The following CCSER1 variants were observed in gnomAD, a reference collection of about 807,000 sequenced individuals.
CCSER1 encodes the protein coiled-coil serine rich protein 1.
Under a neutral mutation model 82.0 loss-of-function variants are expected in CCSER1, and 41 were observed. The ratio of observed to expected loss-of-function variants is 0.50; its 90% CI spans 0.39 to 0.65. CCSER1 has a LOEUF of 0.65. Ranked by LOEUF, CCSER1 falls within the 30% of genes least tolerant of loss-of-function variation. CCSER1 has a pLI of 0.00. For missense variants in CCSER1, 1,119 were observed against 1,064.2 expected, an observed-to-expected ratio of 1.05 and a Z score of -0.72; for synonymous variants, 414 against 383.9, an observed-to-expected ratio of 1.08 and a Z score of -0.92.
intron 9 of CCSER1, among the ~76,000 whole-genome samples, chr4:91,042,613 G>T (rs577253636): frequency 6.6e-6 from 1 of 152,066 alleles, no homozygotes; most frequent in Admixed American, 6.6e-5. Context: ...TCTAAAATCT[G>T]CTTTTTTCTT....
At chr4:90,524,990 A>G (rs1475861477) in intron 5 of CCSER1, among the ~76,000 whole-genome samples, 3 of 152,170 alleles carry the variant, frequency 2.0e-5, no homozygotes, top group African/African-American at 7.2e-5. Context: ...CATGCAAATG[A>G]CTGAACAATC....
intron 8 of CCSER1, among the ~76,000 whole-genome samples, chr4:90,893,349 C>T (rs1380029253): frequency 6.6e-6 from 1 of 152,058 alleles, no homozygotes; most frequent in East Asian, 1.9e-4. Flanking sequence ...AGCTTGGAAA[C>T]TGGATTTCAG....
intron 10 of CCSER1, among the ~76,000 whole-genome samples, chr4:91,538,698 CAT>C (rs1553952293): frequency 1.4e-5 from 2 of 138,338 alleles, no homozygotes; most frequent in Non-Finnish European, 3.1e-5. Flanking sequence ...TATATATACA[CAT>C]ATATATATAT....
intron 10 of CCSER1, among the ~76,000 whole-genome samples, chr4:91,147,569 C>T (rs1346960044): frequency 6.6e-6 from 1 of 152,218 alleles, no homozygotes; most frequent in Non-Finnish European, 1.5e-5. Context: ...TAGAGATCAG[C>T]TCAATACTCT....
chr4:91,548,705 G>A (rs1762010805), intron 10 of CCSER1, among the ~76,000 whole-genome samples: 1 of 151,912 alleles, frequency 6.6e-6, no homozygotes, highest in Non-Finnish European at 1.5e-5. Context: ...CATGGTTTCT[G>A]TGGAGAAATT....
At chr4:90,640,151 T>C (rs1726222293) in intron 6 of CCSER1, among the ~76,000 whole-genome samples, 1 of 152,140 alleles carries the variant, frequency 6.6e-6, no homozygotes, top group Non-Finnish European at 1.5e-5. Context: ...TCCAAAAGCA[T>C]AGTAATAAGC....
intron 9 of CCSER1, among the ~76,000 whole-genome samples, chr4:91,043,957 T>G (rs1742214865): frequency 6.6e-6 from 1 of 152,124 alleles, no homozygotes; most frequent in Non-Finnish European, 1.5e-5. Flanking sequence ...GGGGAAATAT[T>G]ATAACTAATC....
At chr4:91,559,454 T>A (rs1762555071) in intron 10 of CCSER1, among the ~76,000 whole-genome samples, 1 of 151,492 alleles carries the variant, frequency 6.6e-6, no homozygotes, top group South Asian at 2.1e-4. Context: ...AAGGAATATT[T>A]TTCCCCCTGG....
intron 10 of CCSER1, among the ~76,000 whole-genome samples, chr4:91,180,586 T>C (rs919732546): frequency 2.0e-5 from 3 of 152,220 alleles, no homozygotes; most frequent in Admixed American, 2.0e-4. Context: ...AGTGAGGCTC[T>C]GTGGGCTTGG....
intron 10 of CCSER1, among the ~76,000 whole-genome samples, chr4:91,522,563 C>A (rs1370112196): frequency 6.6e-6 from 1 of 152,078 alleles, no homozygotes; most frequent in Non-Finnish European, 1.5e-5. Flanking sequence ...CAGTGGTTTG[C>A]AGTTTTCCTT....
intron 8 of CCSER1, among the ~76,000 whole-genome samples, chr4:90,855,053 G>C (rs561944616): frequency 6.6e-6 from 1 of 151,982 alleles, no homozygotes; most frequent in Non-Finnish European, 1.5e-5. Context: ...ACCAGATCTC[G>C]TGAGAACTCA....
intron 10 of CCSER1, among the ~76,000 whole-genome samples, chr4:91,590,472 C>T (rs113211907): frequency 1.3e-5 from 2 of 152,090 alleles, no homozygotes; most frequent in Non-Finnish European, 2.9e-5. Context: ...ACAGATTCCA[C>T]GTCTAAGGCT....
intron 9 of CCSER1, among the ~76,000 whole-genome samples, chr4:91,051,261 A>G (rs1742980883): frequency 6.6e-6 from 1 of 152,206 alleles, no homozygotes; most frequent in African/African-American, 2.4e-5. Flanking sequence ...AATCAAACGC[A>G]TTCAAGTGGA....
At chr4:91,206,145 G>C (rs1214718794) in intron 10 of CCSER1, among the ~76,000 whole-genome samples, 1 of 151,864 alleles carries the variant, frequency 6.6e-6, no homozygotes, top group Non-Finnish European at 1.5e-5. Context: ...GGAATGAAGA[G>C]AGAGCATTGT....
At chr4:91,510,636 G>T (rs1261552037) in intron 10 of CCSER1, among the ~76,000 whole-genome samples, 2 of 152,172 alleles carry the variant, frequency 1.3e-5, no homozygotes, top group Admixed American at 6.6e-5. Flanking sequence ...CTGTTGAGAA[G>T]TGTCTGTCCA....
At chr4:90,754,845 C>G (rs1417034547) in intron 7 of CCSER1, among the ~76,000 whole-genome samples, 1 of 152,108 alleles carries the variant, frequency 6.6e-6, no homozygotes, top group East Asian at 1.9e-4. Flanking sequence ...ACACATAAAA[C>G]TTGGTCTGAA....
intron 10 of CCSER1, among the ~76,000 whole-genome samples, chr4:91,461,095 G>A (rs1756475839): frequency 6.6e-6 from 1 of 152,136 alleles, no homozygotes; most frequent in African/African-American, 2.4e-5. Flanking sequence ...CTATCTAGAT[G>A]GTTGTAAATT....
intron 10 of CCSER1, among the ~76,000 whole-genome samples, chr4:91,086,814 T>G (rs961059317): frequency 6.6e-6 from 1 of 152,070 alleles, no homozygotes; most frequent in South Asian, 2.1e-4. Flanking sequence ...AGTTGCATGA[T>G]TTTAGTATTT....
At chr4:91,287,923 T>A (rs551228547) in intron 10 of CCSER1, among the ~76,000 whole-genome samples, 1 of 151,702 alleles carries the variant, frequency 6.6e-6, no homozygotes, top group Non-Finnish European at 1.5e-5. Flanking sequence ...TGATTTTACA[T>A]GTAATTGAGC....
Sources: gnomAD v4.1 joint callset for allele counts (sites outside exome capture counted in the v4.1 genomes callset) on GRCh38, gnomAD v4.1.1 for gene constraint, MANE v1.5 for transcripts, NCBI Gene and HGNC (gene_info 2026-07-23, HGNC 2026-07-21) for gene names.